BRD1: variants seen among roughly 807,000 people sequenced by gnomAD.
BRD1 encodes bromodomain containing 1.
Under a neutral mutation model 107.7 loss-of-function variants are expected in BRD1, and 24 were observed. The observed-to-expected ratio is 0.22, with a 90% CI of 0.16 to 0.31. BRD1 has a LOEUF of 0.31. BRD1 is among the 10% of genes least tolerant of loss of function. BRD1 has a pLI of 1.00. For synonymous variants in BRD1, 744 were observed against 686.1 expected (o/e 1.08, Z -1.32); for missense variants, 1,279 against 1,638.6 (o/e 0.78, Z 3.79).
At chr22:49,819,754 G>C (rs1030521317) in intron 2 of BRD1, among the ~76,000 whole-genome samples, 12 of 151,850 alleles carry the variant, frequency 7.9e-5, no homozygotes, top group South Asian at 2.1e-4. Context: ...AGCCCTGCCT[G>C]TTTTTCAAAG....
intron 2 of BRD1, chr22:49,807,160 C>T (rs141658000): frequency 2.8e-4 from 43 of 152,230 alleles, no homozygotes; most frequent in African/African-American, 8.2e-4. Context: ...CACTAGGGAA[C>T]GTATGGATAG....
At position 49,775,824 on chromosome 22, in the gene BRD1, C is replaced by CACCCCAGCTGTGTGA; in HGVS notation, c.3232-80_3232-79insTCACACAGCTGGGGT. 3.1e-6 allele frequency: 4 copies of CACCCCAGCTGTGTGA among 1,281,046 alleles called. No individual in the cohort carries two copies. In the South Asian group the frequency reaches 5.2e-5, roughly 17 times the overall value. The allele number at this position is 1,281,046 out of a possible 1,614,324, so 79.4% of individuals were successfully genotyped here. A position where few individuals can be genotyped will look rare whatever the true frequency, so the allele number is the denominator to read the frequency against. ...CCCACCTGTCACTGGCACCCCCCCCCGCCTCCCCACCCCAGCTGTGTGAGC... is the reference window on the plus strand; with the variant it reads ...CCCACCTGTCACTGGCACCCCCCCCCACCCCAGCTGTGTGAGCCTCCCCACCCCAGCTGTGTGAGC... On this transcript the variant is annotated intron_variant, in intron 11 of 12. Coordinates refer to ENST00000404760, the MANE Select transcript of BRD1 (RefSeq NM_001304808.3).
At chr22:49,801,264 C>A (rs944433352) in intron 3 of BRD1, among the ~76,000 whole-genome samples, 2 of 152,216 alleles carry the variant, frequency 1.3e-5, no homozygotes, top group African/African-American at 2.4e-5. Flanking sequence ...GTTCTCCCTG[C>A]GGCCTTCAAC....
chr22:49,779,644 C>T (rs908071752), intron 8 of BRD1, among the ~76,000 whole-genome samples: 13 of 152,106 alleles, frequency 8.5e-5, no homozygotes, highest in African/African-American at 3.1e-4. Flanking sequence ...GCTGAGCTGC[C>T]CTGGGGCTCC....
chr22:49,776,065 G>A lies in BRD1; in HGVS notation c.3216C>T (p.Pro1072=), dbSNP rs371900886. The A allele has an allele frequency of 4.5e-5, 71 of 1,581,266 alleles. No homozygotes were observed. In the African/African-American group the frequency reaches 6.9e-4, roughly 15 times the overall value. Residue 1072 remains proline (P), a synonymous_variant, in exon 11 of 13, where the codon CCC becomes CCT. Coordinates refer to ENST00000404760, the MANE Select transcript of BRD1 (RefSeq NM_001304808.3). Reference sequence around the variant, plus strand: ...CCGTACTCACCAGTGCCGGGTAGGAGGGGTAGCCGCTGCACTTGGCCCACA... The same window carrying A: ...CCGTACTCACCAGTGCCGGGTAGGAAGGGTAGCCGCTGCACTTGGCCCACA... The part of the protein sequence containing the change: ...KVVWAKCSGY[P]SYPALIIDPK...
chr22:49,818,959 G>C (rs1444953562), intron 2 of BRD1, among the ~76,000 whole-genome samples: 1 of 152,076 alleles, frequency 6.6e-6, no homozygotes, highest in Admixed American at 6.5e-5. Flanking sequence ...GAGAGAGGAA[G>C]TGAAAAGAAA....
chr22:49,780,294 A>G (rs1364797992), intron 8 of BRD1, among the ~76,000 whole-genome samples: 1 of 152,234 alleles, frequency 6.6e-6, no homozygotes, highest in Non-Finnish European at 1.5e-5. Context: ...TAATTCTCAG[A>G]AAGAGGAGAA....
At chr22:49,798,927 AGC>A (rs2059587795) in intron 4 of BRD1, 59 bp downstream of exon 4, 10 of 1,534,698 alleles carry the variant, frequency 6.5e-6, no homozygotes, top group Non-Finnish European at 8.7e-6. Context: ...AGGAGCTGCC[AGC>A]GTCCCACCCA....
At chr22:49,801,170 G>C (rs2059633161) in intron 3 of BRD1, among the ~76,000 whole-genome samples, 1 of 152,250 alleles carries the variant, frequency 6.6e-6, no homozygotes, top group South Asian at 2.1e-4. Flanking sequence ...GGAAGGGTGG[G>C]CCACGGGAGC....
chr22:49,774,174 A>G lies in BRD1; in HGVS notation c.*59T>C, dbSNP rs1025186923. ...CAGAATAAGTTAAGTTTTGAACAATATACAAACATGTACAGCTTATCAACA... is the reference window on the plus strand; with the variant it reads ...CAGAATAAGTTAAGTTTTGAACAATGTACAAACATGTACAGCTTATCAACA... On this transcript the variant is annotated 3_prime_UTR_variant, in exon 13 of 13. Transcript: ENST00000404760. 2.6e-5 allele frequency: 39 copies of G among 1,520,332 alleles called. No homozygotes were observed. The highest frequency in any genetic ancestry group is 2.3e-4 in the Middle Eastern group (1 of 4,374). 94.2% of individuals were successfully genotyped at this position (1,520,332 alleles called of 1,614,324 possible).
chr22:49,826,632 GC>G (rs1222976856), intron 1 of BRD1, among the ~76,000 whole-genome samples: 6 of 152,236 alleles, frequency 3.9e-5, no homozygotes, highest in Non-Finnish European at 8.8e-5. Context: ...CTCGGTCAAG[GC>G]CACAGGGGCC....
At chr22:49,775,540 G>A (rs765877987) in intron 12 of BRD1, 51 bp downstream of exon 12, 53 of 1,329,484 alleles carry the variant, frequency 4.0e-5, no homozygotes, top group Admixed American at 5.9e-5. Flanking sequence ...CCGAGCCCAC[G>A]GCCCCCAACC....
chr22:49,805,004 C>A (rs1288079634), intron 2 of BRD1, among the ~76,000 whole-genome samples: 1 of 152,194 alleles, frequency 6.6e-6, no homozygotes, highest in Non-Finnish European at 1.5e-5. Flanking sequence ...TGACTTCAAC[C>A]ACATCTGTGT....
chr22:49,777,390 T>C (rs1175521377), intron 9 of BRD1, among the ~76,000 whole-genome samples: 2 of 152,226 alleles, frequency 1.3e-5, no homozygotes, highest in South Asian at 2.1e-4. Flanking sequence ...GCTGTGCTCA[T>C]TGCCAGATTC....
intron 3 of BRD1, among the ~76,000 whole-genome samples, 192 bp downstream of exon 3, chr22:49,804,012 C>T (rs185551871): frequency 3.1e-4 from 47 of 151,986 alleles, no homozygotes; most frequent in African/African-American, 1.1e-3. Flanking sequence ...GAGAATCACC[C>T]CCCGAGTCGC....
Position 49,783,175 on chromosome 22 carries a change from G to A in BRD1, c.2857+4215C>T, listed in dbSNP as rs2059247452. 6.6e-6 allele frequency among the ~76,000 whole-genome samples: 1 copy of A among 152,276 alleles called. No homozygotes were observed. Among genetic ancestry groups the A allele is most frequent in the African/African-American group, 2.4e-5 (1 of 41,476 alleles). Reference sequence around the variant, plus strand: ...AATGCAGCTGGGATGGTCAGAGACAGACCCAAGGCCCAGGACAGACGCCTG... The same window carrying A: ...AATGCAGCTGGGATGGTCAGAGACAAACCCAAGGCCCAGGACAGACGCCTG... On this transcript the variant is annotated intron_variant, in intron 8 of 12. Coordinates refer to ENST00000404760, the MANE Select transcript of BRD1 (RefSeq NM_001304808.3). This position sits in a 1 kb window ranked among gnomAD's most constrained non-coding sequence, Gnocchi z 4.2.
chr22:49,802,946 G>A (rs1461275813), intron 3 of BRD1, among the ~76,000 whole-genome samples: 1 of 152,268 alleles, frequency 6.6e-6, no homozygotes, highest in Non-Finnish European at 1.5e-5. Context: ...CACTTGGAGA[G>A]GGGCTGGCTC....
chr22:49,804,066 G>C (rs2059694221), intron 3 of BRD1, 138 bp downstream of exon 3: 1 of 674,438 alleles, frequency 1.5e-6, no homozygotes, highest in Non-Finnish European at 2.3e-6. Context: ...CAGCTCCAGG[G>C]CTGGACGAGA....
Position 49,823,183 on chromosome 22 carries a change from C to T in BRD1, c.1135G>A (p.Val379Ile), listed in dbSNP as rs1326944760. ...ELTGGGTTFS[V>I]RKTAYCDVHT... ...ACATCACAGTAAGCGGTCTTTCTGACGGAGAAGGTGGTGCCACCGCCAGTC... is the reference window on the plus strand; with the variant it reads ...ACATCACAGTAAGCGGTCTTTCTGATGGAGAAGGTGGTGCCACCGCCAGTC... The change falls in exon 2 of 13, where the codon GTC becomes ATC. Residue 379 changes from valine (V) to isoleucine (I), a missense_variant. Around this residue, in one of 7 missense-constraint regions of BRD1, gnomAD observed 158 missense variants for 310.2 expected, o/e 0.51. Transcript: ENST00000404760. The T allele has an allele frequency of 2.5e-6, 4 of 1,614,184 alleles. No homozygotes were observed. Among genetic ancestry groups the T allele is most frequent in the South Asian group, 1.1e-5 (1 of 91,086 alleles).
Sources: gnomAD v4.1 joint callset for allele counts (sites outside exome capture counted in the v4.1 genomes callset) on GRCh38, gnomAD v4.1.1 for gene constraint, gnomAD v4.1.1 regional missense constraint, Gnocchi (gnomAD v3.1) non-coding constraint, MANE v1.5 for transcripts, NCBI Gene and HGNC (gene_info 2026-07-23, HGNC 2026-07-21) for gene names.